CDC42SE2: variants seen among roughly 807,000 people sequenced by gnomAD.
The protein encoded by CDC42SE2 is CDC42 small effector protein 2.
In CDC42SE2, 3 loss-of-function variants were observed where a neutral mutation model predicts 11.5. That is an observed-to-expected ratio of 0.26 (90% CI 0.12 to 0.67). The LOEUF is 0.67. CDC42SE2 is among the 30% of genes least tolerant of loss of function. The pLI is 0.80. For synonymous variants in CDC42SE2, 33 were observed against 34.8 expected, an observed-to-expected ratio of 0.95 and a Z score of 0.18; for missense variants, 82 against 106.8, an observed-to-expected ratio of 0.77 and a Z score of 1.02.
intron 2 of CDC42SE2, among the ~76,000 whole-genome samples, chr5:131,331,860 A>G (rs1758425429): frequency 6.6e-6 from 1 of 152,226 alleles, no homozygotes; most frequent in African/African-American, 2.4e-5. Context: ...TTTTTTGAGT[A>G]TGAAAATAAA....
chr5:131,336,835 G>A (rs868515815), intron 2 of CDC42SE2, among the ~76,000 whole-genome samples: 1 of 152,070 alleles, frequency 6.6e-6, no homozygotes, highest in Non-Finnish European at 1.5e-5. Context: ...GTCCTTTAAC[G>A]ACTTCTCTGA....
intron 1 of CDC42SE2, among the ~76,000 whole-genome samples, chr5:131,315,480 A>G (rs1325145261): frequency 6.6e-6 from 1 of 152,198 alleles, no homozygotes. Context: ...GCCAGGTTGT[A>G]ACATAAAGGA....
intron 1 of CDC42SE2, among the ~76,000 whole-genome samples, chr5:131,293,003 G>T (rs1757495030): frequency 6.7e-6 from 1 of 150,360 alleles, no homozygotes; most frequent in Non-Finnish European, 1.5e-5. Context: ...TGAACAGATA[G>T]AGATATTTTG....
At chr5:131,368,375 T>A (rs1372938280) in intron 3 of CDC42SE2, among the ~76,000 whole-genome samples, 1 of 152,160 alleles carries the variant, frequency 6.6e-6, no homozygotes, top group Non-Finnish European at 1.5e-5. Flanking sequence ...TTCATCCTGG[T>A]GCCAATACAC....
At chr5:131,313,137 G>A (rs1580748154) in intron 1 of CDC42SE2, among the ~76,000 whole-genome samples, 1 of 151,776 alleles carries the variant, frequency 6.6e-6, no homozygotes, top group African/African-American at 2.4e-5. Context: ...TGCCTGCCAC[G>A]ACGCCCGGCT....
At chr5:131,250,067 T>C (rs561378149) in intron 1 of CDC42SE2, among the ~76,000 whole-genome samples, 16 of 152,332 alleles carry the variant, frequency 1.1e-4, no homozygotes, top group African/African-American at 3.6e-4. Flanking sequence ...AATTGTGTCA[T>C]TATCACTCCA....
chr5:131,274,518 G>A (rs910319101), intron 1 of CDC42SE2, among the ~76,000 whole-genome samples: 18 of 152,212 alleles, frequency 1.2e-4, no homozygotes, highest in African/African-American at 4.1e-4. Context: ...GTCTCTACAT[G>A]CTGCTTCTGC....
At chr5:131,265,783 T>C (rs751516330) in intron 1 of CDC42SE2, among the ~76,000 whole-genome samples, 2 of 152,186 alleles carry the variant, frequency 1.3e-5, no homozygotes, top group Non-Finnish European at 2.9e-5. Flanking sequence ...CATTTTAAAA[T>C]GAAGGGAGGA....
Position 131,394,057 on chromosome 5 carries a change from A to ATT in CDC42SE2, c.*2973_*2974dup, listed in dbSNP as rs763436860. The ATT allele has an allele frequency of 1.3e-5, 2 of 152,014 alleles. No homozygotes were observed. The highest frequency in any genetic ancestry group is 2.9e-5 in the Non-Finnish European group (2 of 67,952). 9.4% of individuals were successfully genotyped at this position (152,014 alleles called of 1,614,324 possible). On this transcript the variant is annotated 3_prime_UTR_variant, in exon 5 of 5. Transcript: ENST00000505065. ...AGATACGGTATTAACCTTGGACATA[A>ATT]TTTTTTTTAGGGAGGCAGCTTTCCC...
chr5:131,312,750 C>T (rs1032807848), intron 1 of CDC42SE2, among the ~76,000 whole-genome samples: 1 of 152,204 alleles, frequency 6.6e-6, no homozygotes, highest in African/African-American at 2.4e-5. Flanking sequence ...AGGGAACTCC[C>T]TGACCCCTTG....
At chr5:131,259,537 C>A (rs77140010), upstream of CDC42SE2, among the ~76,000 whole-genome samples, 5,227 of 152,082 alleles carry the variant, frequency 0.034, 304 homozygotes, top group African/African-American at 0.12. Context: ...TTTTGATTCA[C>A]TTGACTCATT....
chr5:131,243,695 T>C (rs1434380852), upstream of CDC42SE2, among the ~76,000 whole-genome samples: 1 of 152,244 alleles, frequency 6.6e-6, no homozygotes, highest in Non-Finnish European at 1.5e-5. Context: ...TGGTCATTCC[T>C]AAAACAATGA....
chr5:131,334,527 T>G (rs1758506471), intron 2 of CDC42SE2, among the ~76,000 whole-genome samples: 1 of 152,190 alleles, frequency 6.6e-6, no homozygotes, highest in African/African-American at 2.4e-5. Context: ...TTGGAATAGT[T>G]TCAGAAGGAA....
At chr5:131,295,942 C>G (rs561321309) in intron 1 of CDC42SE2, among the ~76,000 whole-genome samples, 1 of 152,176 alleles carries the variant, frequency 6.6e-6, no homozygotes, top group Non-Finnish European at 1.5e-5. Context: ...GCCTCAGCCT[C>G]CCAAAGTGCT....
At chr5:131,387,722 T>G (rs1009299288) in intron 4 of CDC42SE2, among the ~76,000 whole-genome samples, 6 of 152,228 alleles carry the variant, frequency 3.9e-5, no homozygotes, top group Non-Finnish European at 8.8e-5. Flanking sequence ...GACTGTACTT[T>G]GCAGGGCTTG....
chr5:131,265,163 C>T (rs186466476), intron 1 of CDC42SE2, among the ~76,000 whole-genome samples: 2 of 151,906 alleles, frequency 1.3e-5, no homozygotes, highest in African/African-American at 2.4e-5. Context: ...ACATAACATA[C>T]TGTTGATGAA....
Position 131,303,508 on chromosome 5 carries a change from T to A in CDC42SE2, c.-454-12468T>A, listed in dbSNP as rs79851602. Among the ~76,000 whole-genome samples, 102 of 152,330 alleles carry A rather than the reference T, an allele frequency of 6.7e-4. 3 individuals carry two copies. The East Asian group carries it at 0.018, about 27-fold the overall frequency. On this transcript the variant is annotated intron_variant, in intron 1 of 4. Transcript: ENST00000505065. ...TTTATCAGCTGAAATTTAAGACTTT[T>A]GAATTGTAGTGGATTGGGCACTTAA... is the stretch of plus-strand genomic sequence containing the variant.
chr5:131,242,242 A>G (rs1756546046), upstream of CDC42SE2, among the ~76,000 whole-genome samples: 1 of 152,228 alleles, frequency 6.6e-6, no homozygotes. Context: ...GAAAATGTTC[A>G]GAAAACAGAA....
intron 1 of CDC42SE2, among the ~76,000 whole-genome samples, chr5:131,296,692 TCA>T: frequency 6.6e-6 from 1 of 152,168 alleles, no homozygotes. Flanking sequence ...CAACGTAAGG[TCA>T]CATTCAGAGG....
Sources: gnomAD v4.1 joint callset for allele counts (sites outside exome capture counted in the v4.1 genomes callset) on GRCh38, gnomAD v4.1.1 for gene constraint, MANE v1.5 for transcripts, NCBI Gene and HGNC (gene_info 2026-07-23, HGNC 2026-07-21) for gene names.